RGS3: variants seen among roughly 807,000 people sequenced by gnomAD.
RGS3 encodes regulator of G protein signaling 3, also known as regulator of G-protein signalling 3.
In RGS3, 80 loss-of-function variants were observed where a neutral mutation model predicts 132.6. The observed-to-expected ratio is 0.60, with a 90% confidence interval of 0.50 to 0.73. RGS3 has a LOEUF of 0.73. Ranked by LOEUF, RGS3 falls within the 30% of genes least tolerant of loss-of-function variation. The pLI, the probability that RGS3 is intolerant of heterozygous loss-of-function variation, is 0.00. For missense variants in RGS3, 1,382 were observed against 1,530.8 expected (o/e 0.90, Z 1.62); for synonymous variants, 598 against 620.6 (o/e 0.96, Z 0.54).
chr9:113,542,643 C>T (rs992578476), intron 19 of RGS3, among the ~76,000 whole-genome samples: 1 of 152,268 alleles, frequency 6.6e-6, no homozygotes, highest in Admixed American at 6.5e-5. Flanking sequence ...TAGGACCTTC[C>T]CCACAGAGCC....
At chr9:113,544,470 A>G (rs1221467485) in intron 19 of RGS3, among the ~76,000 whole-genome samples, 1 of 152,112 alleles carries the variant, frequency 6.6e-6, no homozygotes, top group Non-Finnish European at 1.5e-5. Context: ...TATATGTCTT[A>G]TATTTTTATT....
At chr9:113,545,853 A>T (rs1833091621) in intron 19 of RGS3, among the ~76,000 whole-genome samples, 1 of 152,226 alleles carries the variant, frequency 6.6e-6, no homozygotes, top group Admixed American at 6.5e-5. Context: ...CAATTTAGAT[A>T]TGAAGACGCT....
rs1833044151 is a variant in RGS3, at chr9:113,544,804, A to G, written c.2037+7886A>G. Among the ~76,000 whole-genome samples the G allele has an allele frequency of 2.0e-5, 3 of 152,312 alleles. No homozygotes were observed. In the South Asian group the frequency reaches 6.2e-4, roughly 32 times the overall value. ...AAGCCAAGGCCTTTGAACCTAATCT[A>G]CCACTCATTTCTGATAAAAAGGTTT... On this transcript the variant is annotated intron_variant, in intron 19 of 24. Coordinates refer to ENST00000350696, the Ensembl canonical transcript of RGS3.
chr9:113,546,851 C>G (rs1220918507), intron 19 of RGS3, among the ~76,000 whole-genome samples: 1 of 152,174 alleles, frequency 6.6e-6, no homozygotes. Context: ...CAGAGAAAAC[C>G]AGCGAGTGAT....
At position 113,547,832 on chromosome 9, in the gene RGS3, A is replaced by G. The variant is rs188889426; in HGVS notation, c.2037+10914A>G. 8.6e-4 allele frequency among the ~76,000 whole-genome samples: 131 copies of G among 152,278 alleles called. 1 individual carries two copies. The highest frequency in any genetic ancestry group is 3.1e-3 in the African/African-American group (128 of 41,548). On this transcript the variant is annotated intron_variant, in intron 19 of 24. Coordinates refer to ENST00000350696, the Ensembl canonical transcript of RGS3. ...CACTTTTGCTGGGATAACACTACCC[A>G]AGATAAATTCAAAAAAATTGTCCTA...
intron 1 of RGS3, among the ~76,000 whole-genome samples, chr9:113,452,926 A>C (rs148769891): frequency 0.037 from 5,030 of 134,312 alleles, 235 homozygotes; most frequent in African/African-American, 0.11. Flanking sequence ...ATTTATATAT[A>C]ATATATAAAT....
At chr9:113,495,721 G>C in intron 7 of RGS3, 65 bp from the exon 6 acceptor site, 1 of 1,351,644 alleles carries the variant, frequency 7.4e-7, no homozygotes, top group Non-Finnish European at 1.1e-6. Context: ...TGCTATACTT[G>C]ATAATGGACC....
exon 10 of RGS3, chr9:113,498,028 C>T (rs199994034): frequency 2.7e-5 from 44 of 1,614,010 alleles, no homozygotes; most frequent in East Asian, 8.9e-5. Flanking sequence ...CTTCCAGACC[C>T]GCTGCTGAGA....
chr9:113,508,193 A>G (rs1288421417), intron 13 of RGS3, among the ~76,000 whole-genome samples: 2 of 152,140 alleles, frequency 1.3e-5, no homozygotes, highest in Non-Finnish European at 2.9e-5. Context: ...ATAACACCGC[A>G]TTTCCCAAAC....
chr9:113,485,094 AT>A (rs5900053), intron 6 of RGS3, among the ~76,000 whole-genome samples: 2 of 149,734 alleles, frequency 1.3e-5, no homozygotes, highest in African/African-American at 4.9e-5. Context: ...CAAAAATGGA[AT>A]TTTTTTTTTT....
At chr9:113,449,664 G>T (rs1205415698) in intron 1 of RGS3, among the ~76,000 whole-genome samples, 1 of 152,168 alleles carries the variant, frequency 6.6e-6, no homozygotes, top group Non-Finnish European at 1.5e-5. Flanking sequence ...AAGGATAACT[G>T]TGGTTATTCA....
chr9:113,454,400 G>A (rs1484732429), intron 1 of RGS3, among the ~76,000 whole-genome samples: 1 of 152,042 alleles, frequency 6.6e-6, no homozygotes, highest in Non-Finnish European at 1.5e-5. Flanking sequence ...TTGAGGTCAG[G>A]AGTTTGAGAC....
chr9:113,541,481 C>A lies in RGS3; in HGVS notation c.2037+4563C>A, dbSNP rs970113270. ...GGCAACTTAACCCTTTCTTGGGCATCCCCTACCACACAGTAACCTCACCTC... is the reference window on the plus strand; with the variant it reads ...GGCAACTTAACCCTTTCTTGGGCATACCCTACCACACAGTAACCTCACCTC... On this transcript the variant is annotated intron_variant, in intron 19 of 24. Coordinates refer to ENST00000350696, the Ensembl canonical transcript of RGS3. 2.5e-6 allele frequency: 4 copies of A among 1,598,062 alleles called. No homozygotes were observed. The African/African-American group carries it at 4.0e-5, about 16-fold the overall frequency.
At chr9:113,564,874 G>A in intron 19 of RGS3, 1 of 968,228 alleles carries the variant, frequency 1.0e-6, no homozygotes, top group East Asian at 1.1e-4. Context: ...GGGTTCAGTT[G>A]CAGCCTCCCA....
intron 10 of RGS3, 34 bp downstream of exon 8, chr9:113,498,114 A>G (rs755413120): frequency 5.0e-6 from 8 of 1,604,218 alleles, no homozygotes; most frequent in Middle Eastern, 3.3e-4. Context: ...TTGCTCCAGG[A>G]GCTGGATCTG....
At chr9:113,503,893 G>A (rs1341212587) in intron 10 of RGS3, among the ~76,000 whole-genome samples, 3 of 152,168 alleles carry the variant, frequency 2.0e-5, no homozygotes, top group Admixed American at 6.5e-5. Context: ...TCGTACCCGC[G>A]TTTGTTTTTC....
chr9:113,586,615 G>T (rs1428474662), intron 20 of RGS3, among the ~76,000 whole-genome samples: 2 of 152,178 alleles, frequency 1.3e-5, no homozygotes, highest in African/African-American at 4.8e-5. Context: ...GCCTGGTGGT[G>T]GCCACCCTTC....
intron 19 of RGS3, among the ~76,000 whole-genome samples, chr9:113,563,533 A>G (rs1160597239): frequency 6.6e-6 from 1 of 152,160 alleles, no homozygotes; most frequent in Non-Finnish European, 1.5e-5. Flanking sequence ...GTTTAGCTCC[A>G]TCAGAATTGG....
intron 1 of RGS3, among the ~76,000 whole-genome samples, chr9:113,446,108 G>A (rs1487617869): frequency 6.6e-6 from 1 of 152,190 alleles, no homozygotes; most frequent in Non-Finnish European, 1.5e-5. Flanking sequence ...ATTAAGGACA[G>A]TAATACCTCT....
Sources: allele counts gnomAD v4.1 joint callset (sites outside exome capture counted in the v4.1 genomes callset), GRCh38; gene constraint gnomAD v4.1.1; transcripts MANE v1.5; gene names NCBI Gene and HGNC (gene_info 2026-07-23, HGNC 2026-07-21).